The following ZP3 variants were observed in gnomAD, a reference collection of about 807,000 sequenced individuals.
ZP3 encodes zona pellucida sperm-binding protein 3.
ZP3 carries 21 observed loss-of-function variants against 35.6 expected under a neutral mutation model. The ratio of observed to expected loss-of-function variants is 0.59; its 90% CI spans 0.42 to 0.85. ZP3 has a LOEUF of 0.85. Among genes scored for constraint, ZP3 ranks in the 40% least tolerant of loss-of-function variants. The pLI, the probability that ZP3 is intolerant of heterozygous loss-of-function variation, is 0.00. For synonymous variants in ZP3, 207 were observed against 214.5 expected (o/e 0.96, Z 0.31); for missense variants, 437 against 536.5 (o/e 0.81, Z 1.83).
intron 2 of ZP3, 38 bp from the exon 3 acceptor site, chr7:76,432,889 C>CCT: frequency 6.4e-7 from 1 of 1,574,688 alleles, no homozygotes; most frequent in Non-Finnish European, 8.7e-7. Flanking sequence ...GTGGGTGTGA[C>CCT]CTGAGGCAGG....
At chr7:76,436,836 G>A (rs1806030505) in intron 5 of ZP3, among the ~76,000 whole-genome samples, 1 of 152,216 alleles carries the variant, frequency 6.6e-6, no homozygotes, top group Admixed American at 6.5e-5. Context: ...AGAGGTGGTA[G>A]CGGTCAGCAT....
chr7:76,415,346 T>A (rs1368992898), intron 1 of ZP3, among the ~76,000 whole-genome samples: 18 of 76,448 alleles, frequency 2.4e-4, no homozygotes, highest in African/African-American at 1.1e-3. Context: ...AGCCTGGCGA[T>A]AGAGTGAGAC....
intron 1 of ZP3, among the ~76,000 whole-genome samples, chr7:76,425,657 A>G (rs1178069176): frequency 2.0e-5 from 3 of 152,176 alleles, no homozygotes; most frequent in African/African-American, 7.2e-5. Flanking sequence ...GACCCAAAGT[A>G]TACATTATCT....
At chr7:76,409,479 G>A (rs912825703) in intron 1 of ZP3, 1 of 152,258 alleles carries the variant, frequency 6.6e-6, no homozygotes, top group African/African-American at 2.4e-5. Context: ...GAATCACTTT[G>A]TCTGCCCCTG....
At chr7:76,433,681 C>G (rs1356552135) in intron 4 of ZP3, 34 bp downstream of exon 4, 2 of 1,564,942 alleles carry the variant, frequency 1.3e-6, no homozygotes, top group South Asian at 2.4e-5. Context: ...GAGAACCTTC[C>G]TAGCAAAATG....
intron 5 of ZP3, among the ~76,000 whole-genome samples, chr7:76,437,488 G>A (rs201566978): frequency 9.1e-6 from 1 of 109,952 alleles, no homozygotes; most frequent in African/African-American, 3.5e-5. Context: ...TTTTTTTTTT[G>A]TTTTTTTTTG....
Position 76,441,830 on chromosome 7 carries a change from C to T in ZP3, c.1061-12C>T. 1 of 1,613,842 alleles carries T rather than the reference C, an allele frequency of 6.2e-7. No homozygotes were observed. The highest frequency in any genetic ancestry group is 8.5e-7 in the Non-Finnish European group (1 of 1,179,802). ...CTAAGATAACCCTTGGTTGTGTGTT[C>T]TCCTTTCACAGTGACAGAAGAAGCA... is the stretch of plus-strand genomic sequence containing the variant. On this transcript the variant is annotated splice_polypyrimidine_tract_variant and intron_variant, in intron 7 of 7. Transcript: ENST00000394857.
intron 1 of ZP3, among the ~76,000 whole-genome samples, chr7:76,400,797 G>A (rs939537168): frequency 1.6e-4 from 24 of 152,246 alleles, no homozygotes; most frequent in African/African-American, 5.3e-4. Context: ...CGTGCACTAC[G>A]GGACCCAGCC....
chr7:76,424,692 CA>C (rs999334125), upstream of ZP3, among the ~76,000 whole-genome samples: 22 of 151,242 alleles, frequency 1.5e-4, no homozygotes, highest in Admixed American at 7.3e-4. Flanking sequence ...ACACACACAG[CA>C]AAAAAAAACT....
intron 5 of ZP3, among the ~76,000 whole-genome samples, chr7:76,437,721 A>T (rs1806067361): frequency 1.4e-5 from 2 of 146,744 alleles, no homozygotes; most frequent in African/African-American, 5.1e-5. Flanking sequence ...CTGGTCTCAA[A>T]CTCCTGACCT....
At chr7:76,436,374 C>G (rs1490890167) in intron 5 of ZP3, among the ~76,000 whole-genome samples, 2 of 152,068 alleles carry the variant, frequency 1.3e-5, no homozygotes, top group African/African-American at 4.8e-5. Flanking sequence ...TATCCTCCAT[C>G]TACTGACCTA....
At chr7:76,405,476 C>T (rs572477414) in intron 1 of ZP3, among the ~76,000 whole-genome samples, 1 of 148,316 alleles carries the variant, frequency 6.7e-6, no homozygotes, top group Non-Finnish European at 1.5e-5. Flanking sequence ...GCCACCGTGC[C>T]AGCCCAGAAC....
intron 1 of ZP3, chr7:76,398,615 A>C: frequency 7.5e-7 from 1 of 1,326,180 alleles, no homozygotes; most frequent in South Asian, 1.2e-5. Context: ...ATTTTCTCTA[A>C]CTTTACATCT....
At chr7:76,405,565 T>A (rs1804999555) in intron 1 of ZP3, among the ~76,000 whole-genome samples, 1 of 151,252 alleles carries the variant, frequency 6.6e-6, no homozygotes, top group Admixed American at 6.6e-5. Context: ...GGAGGATCAC[T>A]TGCACCAAGG....
At position 76,424,991 on chromosome 7, in the gene ZP3, C is replaced by T. The variant is rs1258690792; in HGVS notation, c.27C>T (p.Ile9=). MELSYRLF[I]CLLLWGSTEL... is the part of the protein sequence containing the mutation. ...TGGAGCTGAGCTATAGGCTCTTCAT[C>T]TGCCTCCTGCTCTGGGGTAGTACTG... is the stretch of plus-strand genomic sequence containing the variant. Residue 9 remains isoleucine, a synonymous_variant, in exon 1 of 8, where the codon ATC becomes ATT. Coordinates refer to ENST00000394857, the MANE Select transcript of ZP3 (RefSeq NM_001110354.2). 3.9e-6 allele frequency: 6 copies of T among 1,551,416 alleles called. No individual in the cohort carries two copies. In the East Asian group the frequency reaches 7.3e-5, roughly 19 times the overall value.
chr7:76,424,906 G>T (rs1805600465), upstream of ZP3: 15 of 1,440,668 alleles, frequency 1.0e-5, no homozygotes, highest in Non-Finnish European at 1.4e-5. Flanking sequence ...GGTGGCAGCA[G>T]CCAGCATCCC....
intron 1 of ZP3, chr7:76,397,809 C>A: frequency 6.3e-7 from 1 of 1,594,830 alleles, no homozygotes. Flanking sequence ...TTCGCGCCCC[C>A]TACCAGGCGT....
chr7:76,416,351 C>T (rs1805370581), intron 1 of ZP3, among the ~76,000 whole-genome samples: 2 of 152,076 alleles, frequency 1.3e-5, no homozygotes, highest in South Asian at 4.1e-4. Context: ...ATTGCTTGAG[C>T]CCTGGAAGTC....
rs7782176 is a variant in ZP3, at chr7:76,429,757, G to A, written c.431+124G>A. ...ATTAGAACTACCTACCGAAGCATTT[G>A]CAGCTGTGGTTACTGTACTGCGTGG... On this transcript the variant is annotated intron_variant, in intron 2 of 7. Transcript: ENST00000394857. 2.8e-3 allele frequency: 2,316 copies of A among 826,608 alleles called. 36 individuals are homozygous for A. The African/African-American group carries it at 0.035, about 12-fold the overall frequency. 51.2% of individuals were successfully genotyped at this position (826,608 alleles called of 1,614,324 possible).
Sources: allele counts gnomAD v4.1 joint callset (sites outside exome capture counted in the v4.1 genomes callset), GRCh38; gene constraint gnomAD v4.1.1; transcripts MANE v1.5; gene names NCBI Gene and HGNC (gene_info 2026-07-23, HGNC 2026-07-21).